Variants in PDXDC1 observed in about 807,000 individuals in gnomAD.
The protein encoded by PDXDC1 is pyridoxal-dependent decarboxylase domain-containing protein 1.
Under a neutral mutation model 100.1 loss-of-function variants are expected in PDXDC1, and 42 were observed. The ratio of observed to expected loss-of-function variants is 0.42; its 90% CI spans 0.33 to 0.54. The LOEUF (loss-of-function observed/expected upper bound fraction) is 0.54, where lower values mean the gene tolerates loss of function less well. Ranked by LOEUF, PDXDC1 falls within the 20% of genes least tolerant of loss-of-function variation. PDXDC1 has a pLI of 0.10. For synonymous variants in PDXDC1, 260 were observed against 371.7 expected (o/e 0.70, Z 3.46); for missense variants, 636 against 979.2 (o/e 0.65, Z 4.68).
chr16:15,125,820 A>G (rs7404570), intron 16 of PDXDC1: 844,252 of 1,055,104 alleles, frequency 0.8, 340,519 homozygotes, highest in Admixed American at 0.89. Context: ...GCAGGACGAC[A>G]GCAGTGGTCA....
At chr16:15,063,258 A>G (rs1266296473) in intron 16 of PDXDC1, 1 of 1,613,382 alleles carries the variant, frequency 6.2e-7, no homozygotes, top group South Asian at 1.1e-5. Context: ...CACACCTGAT[A>G]AATAGGATCA....
At chr16:15,117,568 C>A (rs1034978416) in intron 16 of PDXDC1, among the ~76,000 whole-genome samples, 2 of 151,132 alleles carry the variant, frequency 1.3e-5, no homozygotes, top group Non-Finnish European at 2.9e-5. Context: ...TGGTGGGCAC[C>A]TGTAATCCCA....
intron 13 of PDXDC1, chr16:15,025,082 G>T (rs369278385): frequency 0.01 from 1,565 of 152,510 alleles, 5 homozygotes; most frequent in Non-Finnish European, 0.014. Flanking sequence ...TTGGGTGTGA[G>T]CCCAGCCATG....
At chr16:15,034,672 G>T (rs2043289268) in intron 21 of PDXDC1, 119 bp downstream of exon 21, 4 of 766,792 alleles carry the variant, frequency 5.2e-6, no homozygotes, top group African/African-American at 5.1e-5. Context: ...TCATCACTGG[G>T]TGTGGGCCGG....
chr16:15,065,218 C>T, intron 16 of PDXDC1: 3 of 1,604,620 alleles, frequency 1.9e-6, no homozygotes, highest in Non-Finnish European at 2.5e-6. Flanking sequence ...AAAGTACCTA[C>T]CTCTTCAGCA....
chr16:15,145,320 G>A, the PDXDC1 span, among the ~76,000 whole-genome samples: 7 of 152,236 alleles, frequency 4.6e-5, no homozygotes, highest in African/African-American at 7.2e-5. Flanking sequence ...ATGATGGCAC[G>A]AGCCATCCTG....
At chr16:15,026,849 G>A in intron 14 of PDXDC1, 143 bp downstream of exon 14, 1 of 1,013,490 alleles carries the variant, frequency 9.9e-7, no homozygotes, top group Admixed American at 2.4e-5. Flanking sequence ...TAATTTTCAT[G>A]AAAACTACAG....
At chr16:15,127,520 A>G in intron 16 of PDXDC1, 3 of 1,519,350 alleles carry the variant, frequency 2.0e-6, no homozygotes, top group Middle Eastern at 4.6e-4. Flanking sequence ...TAGACGGGAT[A>G]GACAACCACG....
chr16:15,126,076 C>A (rs2047705578), intron 16 of PDXDC1: 1 of 515,096 alleles, frequency 1.9e-6, no homozygotes, highest in Non-Finnish European at 3.5e-6. Context: ...GCTCTGTCAC[C>A]CAGGCTGGAG....
At chr16:14,994,919 A>G (rs1971633961) in intron 1 of PDXDC1, among the ~76,000 whole-genome samples, 1 of 152,298 alleles carries the variant, frequency 6.6e-6, no homozygotes, top group Non-Finnish European at 1.5e-5. Flanking sequence ...ATGGGAGTTC[A>G]CTCATGATTT....
At chr16:15,057,833 G>T (rs915840180) in intron 16 of PDXDC1, among the ~76,000 whole-genome samples, 1 of 152,196 alleles carries the variant, frequency 6.6e-6, no homozygotes, top group Admixed American at 6.5e-5. Context: ...TGGGGCTGGT[G>T]CAGTTTGCCT....
the PDXDC1 span, among the ~76,000 whole-genome samples, chr16:15,146,589 T>C: frequency 6.6e-6 from 1 of 152,108 alleles, no homozygotes; most frequent in Non-Finnish European, 1.5e-5. Flanking sequence ...CACGCGGCCC[T>C]GCGCTGAAGG....
intron 16 of PDXDC1, among the ~76,000 whole-genome samples, chr16:15,069,103 CAT>C (rs894088044): frequency 7.2e-5 from 11 of 152,160 alleles, no homozygotes; most frequent in Non-Finnish European, 5.9e-5. Flanking sequence ...TGTAGGTAAA[CAT>C]ATATAATGCA....
rs1296145412 is a variant in PDXDC1 at position 15,020,956 on chromosome 16, G to T, written c.1090-1748G>T. Among the ~76,000 whole-genome samples, 4 of 151,920 alleles carry T rather than the reference G, an allele frequency of 2.6e-5. No individual in the cohort carries two copies. The East Asian group carries it at 7.8e-4, about 29-fold the overall frequency. ...GCCAAGATCGTGCCACTGCACTCCAGCCTGGGTGGCACCATCTAAACACAC... is the reference window on the plus strand; with the variant it reads ...GCCAAGATCGTGCCACTGCACTCCATCCTGGGTGGCACCATCTAAACACAC... On this transcript the variant is annotated intron_variant, in intron 12 of 22. Coordinates refer to ENST00000396410, the MANE Select transcript of PDXDC1 (RefSeq NM_015027.4).
At chr16:14,982,806 TTTA>T (rs1327294623) in intron 1 of PDXDC1, among the ~76,000 whole-genome samples, 6 of 152,206 alleles carry the variant, frequency 3.9e-5, no homozygotes, top group Non-Finnish European at 5.9e-5. Context: ...GGGGAACTTG[TTTA>T]ACTAGTGCTA....
intron 4 of PDXDC1, among the ~76,000 whole-genome samples, chr16:15,003,711 A>C (rs868466295): frequency 7.4e-6 from 1 of 134,884 alleles, no homozygotes; most frequent in Non-Finnish European, 1.6e-5. Flanking sequence ...GGCCAGGAGT[A>C]GTGGCTCATG....
rs1438321715 is a variant in PDXDC1 at position 15,074,693 on chromosome 16, G to A, written c.1399+44637G>A. 5 of 1,577,912 alleles carry A rather than the reference G, an allele frequency of 3.2e-6. No individual in the cohort carries two copies. In the South Asian group the frequency reaches 5.7e-5, roughly 18 times the overall value. ...GCACAAAGCCAGGTACACTGCAGGT[G>A]TTCAATAAACAGTAGCTACTGTGAT... On this transcript the variant is annotated intron_variant, in intron 16 of 16. Transcript: ENST00000535621.
chr16:15,023,708 T>C (rs1194163496), intron 13 of PDXDC1, among the ~76,000 whole-genome samples: 2 of 152,262 alleles, frequency 1.3e-5, no homozygotes, highest in African/African-American at 4.8e-5. Context: ...CTACTCTGCC[T>C]TCTGAGTGGG....
rs542253920 is a variant in PDXDC1, at chr16:15,135,765, C to T, written c.1400-3114C>T. 5.9e-5 allele frequency: 94 copies of T among 1,596,196 alleles called. 1 individual carries two copies. In the South Asian group the frequency reaches 9.3e-4, roughly 16 times the overall value. On this transcript the variant is annotated intron_variant, in intron 16 of 16. Transcript: ENST00000535621. ...ACCAGGTCCTGTGTGTCTGACCACA[C>T]GCGGTATGAGCCACCCTCAGTGATG...
Sources: gnomAD v4.1 joint callset for allele counts (sites outside exome capture counted in the v4.1 genomes callset) on GRCh38, gnomAD v4.1.1 for gene constraint, MANE v1.5 for transcripts, NCBI Gene and HGNC (gene_info 2026-07-23, HGNC 2026-07-21) for gene names.